The following USPL1 variants were observed in gnomAD, a reference collection of about 807,000 sequenced individuals.
The protein encoded by USPL1 is ubiquitin specific peptidase like 1, also known as SUMO-specific isopeptidase USPL1.
USPL1 carries 27 observed loss-of-function variants against 51.5 expected under a neutral mutation model. The observed-to-expected ratio is 0.52, with a 90% CI of 0.39 to 0.72. The LOEUF (loss-of-function observed/expected upper bound fraction) is 0.72, where lower values mean the gene tolerates loss of function less well. Ranked by LOEUF, USPL1 falls within the 30% of genes least tolerant of loss-of-function variation. The pLI, the probability that USPL1 is intolerant of heterozygous loss-of-function variation, is 0.00. For synonymous variants in USPL1, 451 were observed against 459.6 expected (o/e 0.98, Z 0.24); for missense variants, 1,226 against 1,268.0 (o/e 0.97, Z 0.50).
At chr13:30,638,854 A>G (rs1950909438) in intron 5 of USPL1, among the ~76,000 whole-genome samples, 1 of 150,256 alleles carries the variant, frequency 6.7e-6, no homozygotes, top group Non-Finnish European at 1.5e-5. Flanking sequence ...CCATGCTTCC[A>G]GATCATTATA....
Position 30,639,246 on chromosome 13 carries a change from G to A in USPL1, c.982+1389G>A, listed in dbSNP as rs1053624809. Among the ~76,000 whole-genome samples the A allele has an allele frequency of 1.2e-4, 18 of 147,574 alleles. No individual in the cohort carries two copies. In the East Asian group the frequency reaches 2.8e-3, roughly 23 times the overall value. On this transcript the variant is annotated intron_variant, in intron 5 of 8. Coordinates refer to ENST00000255304, the MANE Select transcript of USPL1 (RefSeq NM_005800.5). ...TGTATATATATATATATATATATAT[G>A]TGTGTATGTGTGTGTATGTGCGTGT... is the stretch of plus-strand genomic sequence containing the variant.
chr13:30,651,825 C>T (rs1387430253), intron 7 of USPL1, among the ~76,000 whole-genome samples: 1 of 152,034 alleles, frequency 6.6e-6, no homozygotes, highest in Non-Finnish European at 1.5e-5. Flanking sequence ...GGTATGGTGG[C>T]GCATGCCTGT....
At chr13:30,618,670 G>A (rs1291102525) in intron 1 of USPL1, among the ~76,000 whole-genome samples, 1 of 152,074 alleles carries the variant, frequency 6.6e-6, no homozygotes, top group Non-Finnish European at 1.5e-5. Context: ...GGTTCATGCT[G>A]GGCTAATAAT....
chr13:30,654,306 C>A (rs1346509037), intron 8 of USPL1, among the ~76,000 whole-genome samples: 1 of 151,914 alleles, frequency 6.6e-6, no homozygotes, highest in Non-Finnish European at 1.5e-5. Flanking sequence ...GGTTTTTGGC[C>A]CGCCTACCCG....
chr13:30,653,081 C>G (rs1951112133), intron 7 of USPL1, 67 bp from the exon 8 acceptor site: 9 of 1,457,868 alleles, frequency 6.2e-6, no homozygotes, highest in Non-Finnish European at 8.3e-6. Flanking sequence ...TCACTTCAGA[C>G]ATCTTTTGTA....
intron 7 of USPL1, among the ~76,000 whole-genome samples, chr13:30,648,195 A>C (rs891882603): frequency 6.6e-6 from 1 of 152,152 alleles, no homozygotes; most frequent in Admixed American, 6.5e-5. Context: ...TTTCACTTTT[A>C]CAATTCTTAT....
chr13:30,640,272 G>C (rs1950929451), intron 5 of USPL1, among the ~76,000 whole-genome samples: 1 of 152,178 alleles, frequency 6.6e-6, no homozygotes, highest in Non-Finnish European at 1.5e-5. Flanking sequence ...ATAGAATACG[G>C]ATTTAAAGGC....
rs769579686 is a variant in USPL1 at position 30,630,842 on chromosome 13, A to G, written c.236A>G (p.Tyr79Cys). 2.5e-6 allele frequency: 4 copies of G among 1,600,084 alleles called. No individual in the cohort carries two copies. Among genetic ancestry groups the G allele is most frequent in the Non-Finnish European group, 3.4e-6 (4 of 1,173,782 alleles). Reference sequence around the variant, plus strand: ...TTTATTTTTACTTTCCAGTGCATCTATCCTTTGGGCTCTAAATCACTTAAT... The same window carrying G: ...TTTATTTTTACTTTCCAGTGCATCTGTCCTTTGGGCTCTAAATCACTTAAT... ...IFLCEDLQCI[Y>C]PLGSKSLNNL... The change falls in exon 4 of 9, where the codon TAT becomes TGT. Residue 79 changes from tyrosine (Y) to cysteine (C), a missense_variant. Tyr to Cys is a radical substitution (Grantham distance 194). Transcript: ENST00000255304.
chr13:30,650,559 A>G (rs1951076199), intron 7 of USPL1, among the ~76,000 whole-genome samples: 1 of 142,324 alleles, frequency 7.0e-6, no homozygotes, highest in African/African-American at 2.8e-5. Context: ...CCTGGGCAAC[A>G]GAGTGAGACT....
chr13:30,625,028 C>G (rs1462853963), intron 3 of USPL1, among the ~76,000 whole-genome samples: 1 of 152,086 alleles, frequency 6.6e-6, no homozygotes, highest in African/African-American at 2.4e-5. Flanking sequence ...ATGTCACTTT[C>G]TTTTTAGAAG....
chr13:30,644,493 A>C (rs763462330), intron 6 of USPL1, among the ~76,000 whole-genome samples: 1 of 152,058 alleles, frequency 6.6e-6, no homozygotes, highest in African/African-American at 2.4e-5. Context: ...GAGCAAAGCT[A>C]ACCCTCCTGA....
Position 30,643,640 on chromosome 13 carries a change from G to A in USPL1, c.1112+883G>A, listed in dbSNP as rs546881019. ...TTTTTTTTTTTTGAGTTGGAGTCTCGCTCCCGTCACACAGGCTGGAGTGCA... is the reference window on the plus strand; with the variant it reads ...TTTTTTTTTTTTGAGTTGGAGTCTCACTCCCGTCACACAGGCTGGAGTGCA... On this transcript the variant is annotated intron_variant, in intron 6 of 8. Coordinates refer to ENST00000255304, the MANE Select transcript of USPL1 (RefSeq NM_005800.5). 3.4e-5 allele frequency among the ~76,000 whole-genome samples: 4 copies of A among 117,636 alleles called. No individual in the cohort carries two copies. In the East Asian group the frequency reaches 7.3e-4, roughly 21 times the overall value. 77.2% of individuals were successfully genotyped at this position (117,636 alleles called of 152,430 possible). A position where few individuals can be genotyped will look rare whatever the true frequency, so the allele number is the denominator to read the frequency against.
At chr13:30,636,599 C>G (rs1950879279) in intron 4 of USPL1, among the ~76,000 whole-genome samples, 1 of 151,958 alleles carries the variant, frequency 6.6e-6, no homozygotes, top group Admixed American at 6.6e-5. Flanking sequence ...CACAGTAATT[C>G]CATTTTGAAG....
At chr13:30,620,185 T>C (rs544948439) in intron 1 of USPL1, among the ~76,000 whole-genome samples, 52 of 152,332 alleles carry the variant, frequency 3.4e-4, no homozygotes, top group African/African-American at 1.3e-3. Context: ...TTAAAGTGAA[T>C]TGTGAGCCAT....
At chr13:30,620,132 T>C (rs1950628835) in intron 1 of USPL1, among the ~76,000 whole-genome samples, 2 of 152,222 alleles carry the variant, frequency 1.3e-5, no homozygotes, top group Non-Finnish European at 2.9e-5. Context: ...CTTGAAAGGT[T>C]TGTGAAGTTT....
At chr13:30,653,047 T>G in intron 7 of USPL1, 101 bp from the exon 8 acceptor site, 2 of 1,231,128 alleles carry the variant, frequency 1.6e-6, no homozygotes, top group Non-Finnish European at 2.2e-6. Flanking sequence ...GCAGTTAGCC[T>G]TGGAAGTGTT....
intron 1 of USPL1, among the ~76,000 whole-genome samples, chr13:30,620,706 A>G (rs180856654): frequency 7.9e-5 from 12 of 152,330 alleles, no homozygotes; most frequent in Admixed American, 7.2e-4. Flanking sequence ...GGTTTTTCTC[A>G]GTATAATGCT....
At chr13:30,624,343 A>G (rs544136555) in intron 3 of USPL1, among the ~76,000 whole-genome samples, 7 of 152,310 alleles carry the variant, frequency 4.6e-5, no homozygotes, top group African/African-American at 1.7e-4. Flanking sequence ...GGCCAGGCAC[A>G]GTGGCTGACA....
At chr13:30,630,452 T>C (rs1950786695) in intron 3 of USPL1, among the ~76,000 whole-genome samples, 1 of 152,230 alleles carries the variant, frequency 6.6e-6, no homozygotes, top group Non-Finnish European at 1.5e-5. Flanking sequence ...AAAATACTTT[T>C]AAAATGTGTA....
Sources: allele counts gnomAD v4.1 joint callset (sites outside exome capture counted in the v4.1 genomes callset), GRCh38; gene constraint gnomAD v4.1.1; transcripts MANE v1.5; gene names NCBI Gene and HGNC (gene_info 2026-07-23, HGNC 2026-07-21).